Variants in EIF2AK3 observed in about 807,000 individuals in gnomAD.
EIF2AK3 encodes the protein eukaryotic translation initiation factor 2 alpha kinase 3.
Under a neutral mutation model 113.5 loss-of-function variants are expected in EIF2AK3, and 50 were observed. The ratio of observed to expected loss-of-function variants is 0.44; its 90% CI spans 0.35 to 0.56. The LOEUF is 0.56. Ranked by LOEUF, EIF2AK3 falls within the 20% of genes least tolerant of loss-of-function variation. The pLI is 0.00. For synonymous variants in EIF2AK3, 448 were observed against 495.4 expected, an observed-to-expected ratio of 0.90 and a Z score of 1.27; for missense variants, 1,185 against 1,378.0, an observed-to-expected ratio of 0.86 and a Z score of 2.22.
chr2:88,564,663 T>C (rs1477258374), intron 14 of EIF2AK3, among the ~76,000 whole-genome samples: 1 of 152,188 alleles, frequency 6.6e-6, no homozygotes, highest in Non-Finnish European at 1.5e-5. Flanking sequence ...GCATTCACCT[T>C]CACTCATCCA....
At chr2:88,604,791 T>A (rs972303069) in intron 2 of EIF2AK3, among the ~76,000 whole-genome samples, 1 of 152,220 alleles carries the variant, frequency 6.6e-6, no homozygotes, top group Admixed American at 6.5e-5. Context: ...ACGTGCTAAG[T>A]ATGCTGTACG....
intron 2 of EIF2AK3, among the ~76,000 whole-genome samples, chr2:88,613,239 C>T (rs1467143416): frequency 6.6e-6 from 1 of 152,050 alleles, no homozygotes; most frequent in African/African-American, 2.4e-5. Context: ...ATTAAGTACA[C>T]TTTTTCTGCA....
intron 15 of EIF2AK3, among the ~76,000 whole-genome samples, chr2:88,559,510 C>CTGTGTGTGTGTGTGTGTG (rs141821640): frequency 5.0e-5 from 7 of 141,330 alleles, no homozygotes; most frequent in African/African-American, 1.9e-4. Flanking sequence ...ACCAAGATGA[C>CTGTGTGTGTGTGTGTGTG]TGTGTGTGTG....
intron 11 of EIF2AK3, among the ~76,000 whole-genome samples, chr2:88,578,409 G>A (rs1250029022): frequency 6.6e-6 from 1 of 151,874 alleles, no homozygotes; most frequent in Non-Finnish European, 1.5e-5. Flanking sequence ...TTAGCCGAGT[G>A]TGGTGGTGCA....
intron 2 of EIF2AK3, among the ~76,000 whole-genome samples, chr2:88,601,040 A>G (rs1439314665): frequency 2.6e-5 from 4 of 152,184 alleles, no homozygotes; most frequent in Non-Finnish European, 5.9e-5. Flanking sequence ...TGTTTCATCT[A>G]TCTCCACTCA....
At chr2:88,596,283 G>A (rs145176806) in intron 2 of EIF2AK3, among the ~76,000 whole-genome samples, 33 of 152,140 alleles carry the variant, frequency 2.2e-4, no homozygotes, top group Non-Finnish European at 2.2e-4. Context: ...TTGTGTTCTC[G>A]GTTGCCCTCC....
In EIF2AK3 at chr2:88,557,947, A is replaced by G; in HGVS notation, c.3151-11T>C. 1 of 1,613,766 alleles carries G rather than the reference A, an allele frequency of 6.2e-7. No homozygotes were observed. Among genetic ancestry groups the G allele is most frequent in the Non-Finnish European group, 8.5e-7 (1 of 1,179,766 alleles). On this transcript the variant is annotated splice_polypyrimidine_tract_variant and intron_variant, in intron 16 of 16. Coordinates refer to ENST00000303236, the MANE Select transcript of EIF2AK3 (RefSeq NM_004836.7). ...TTGAACCATCACGTACTGAAAATAT[A>G]AAAATTGTTTTGTGATAAAACGGCC...
At chr2:88,626,142 T>C (rs961867227) in intron 1 of EIF2AK3, among the ~76,000 whole-genome samples, 3 of 152,210 alleles carry the variant, frequency 2.0e-5, no homozygotes, top group Non-Finnish European at 4.4e-5. Flanking sequence ...TAACATGCCT[T>C]ACATTGTGTC....
Position 88,626,919 on chromosome 2 carries a change from G to A in EIF2AK3, c.308+48C>T, listed in dbSNP as rs771236737. On this transcript the variant is annotated intron_variant, in intron 1 of 16. Transcript: ENST00000303236. Reference sequence around the variant, plus strand: ...GCCCCCCTACACCGCATCCTCCGCGGCTCGCGCGCGTAAACAAGTTGCCTC... The same window carrying A: ...GCCCCCCTACACCGCATCCTCCGCGACTCGCGCGCGTAAACAAGTTGCCTC... 7 of 1,599,578 alleles carry A rather than the reference G, an allele frequency of 4.4e-6. No individual in the cohort carries two copies. The African/African-American group carries it at 8.1e-5, about 19-fold the overall frequency.
chr2:88,593,027 C>T (rs575854648), intron 4 of EIF2AK3, among the ~76,000 whole-genome samples: 7 of 151,200 alleles, frequency 4.6e-5, no homozygotes, highest in East Asian at 2.0e-4. Flanking sequence ...CTGTAATCCC[C>T]GGTACTCGGG....
intron 4 of EIF2AK3, among the ~76,000 whole-genome samples, chr2:88,591,286 T>C (rs1359476531): frequency 6.6e-6 from 1 of 152,142 alleles, no homozygotes; most frequent in Non-Finnish European, 1.5e-5. Context: ...ACTTGATGTG[T>C]CCCTTACAAC....
rs766212381 is a variant in EIF2AK3, at chr2:88,575,349, T to C, written c.2134A>G (p.Ile712Val). Residue 712 changes from isoleucine (I) to valine (V), a missense_variant, in exon 13 of 17, where the codon ATA becomes GTA. Transcript: ENST00000303236. ...CTGCTTCTTTGTGGTGAAGGAGCTA[T>C]GATTTCAATATGTTCTTTTGTAGCG... ...PFATKEHIEI[I>V]APSPQRSRSF... is the part of the protein sequence containing the mutation. 7 of 1,614,196 alleles carry C rather than the reference T, an allele frequency of 4.3e-6. No individual in the cohort carries two copies. The highest frequency in any genetic ancestry group is 1.7e-4 in the Middle Eastern group (1 of 6,060).
chr2:88,626,887 GATCTCCGCCCCCCTACACCGC>G (rs1675875639), intron 1 of EIF2AK3, 59 bp downstream of exon 1: 1 of 1,549,610 alleles, frequency 6.5e-7, no homozygotes, highest in Non-Finnish European at 8.7e-7. Context: ...CCGGGTCCCG[GATCTCCGCCCCCCTACACCGC>G]ATCCTCCGCG....
chr2:88,573,407 G>A (rs1351128762), intron 13 of EIF2AK3, among the ~76,000 whole-genome samples: 1 of 152,154 alleles, frequency 6.6e-6, no homozygotes, highest in African/African-American at 2.4e-5. Context: ...TACAGCAAGT[G>A]TTAAGTACAA....
chr2:88,624,585 T>G (rs1359694331), intron 1 of EIF2AK3, among the ~76,000 whole-genome samples: 1 of 152,170 alleles, frequency 6.6e-6, no homozygotes, highest in Non-Finnish European at 1.5e-5. Flanking sequence ...TAAAAGGCAT[T>G]TCCTGAGGTT....
At chr2:88,620,373 T>G (rs751950216) in intron 1 of EIF2AK3, among the ~76,000 whole-genome samples, 2 of 152,308 alleles carry the variant, frequency 1.3e-5, no homozygotes, top group African/African-American at 4.8e-5. Context: ...ACCTGCCAAA[T>G]GAACACTGTG....
intron 1 of EIF2AK3, among the ~76,000 whole-genome samples, chr2:88,615,248 C>G (rs555826203): frequency 6.6e-6 from 1 of 152,362 alleles, no homozygotes; most frequent in African/African-American, 2.4e-5. Flanking sequence ...AGAGCTCCCC[C>G]TTACGCATTC....
rs371007286 is a variant in EIF2AK3, at chr2:88,560,263, G to A, written c.3088-1284C>T. Among the ~76,000 whole-genome samples, 42 of 152,202 alleles carry A rather than the reference G, an allele frequency of 2.8e-4. No homozygotes were observed. The South Asian group carries it at 7.5e-3, about 27-fold the overall frequency. On this transcript the variant is annotated intron_variant, in intron 15 of 16. Coordinates refer to ENST00000303236, the MANE Select transcript of EIF2AK3 (RefSeq NM_004836.7). ...ATTGGCCATTTGTTTATCCTCTTTG[G>A]AGAAAGTTCTATTGCTTTGCCCCTT...
At chr2:88,613,601 G>T in intron 2 of EIF2AK3, 123 bp downstream of exon 2, 2 of 1,027,620 alleles carry the variant, frequency 1.9e-6, no homozygotes, top group Non-Finnish European at 3.0e-6. Flanking sequence ...TGCCCTAAAG[G>T]GACACAAACT....
Sources: gnomAD v4.1 joint callset for allele counts (sites outside exome capture counted in the v4.1 genomes callset) on GRCh38, gnomAD v4.1.1 for gene constraint, MANE v1.5 for transcripts, NCBI Gene and HGNC (gene_info 2026-07-23, HGNC 2026-07-21) for gene names.